Variants in ZC3H12B observed in about 807,000 individuals in gnomAD.
ZC3H12B encodes the protein zinc finger CCCH-type containing 12B, also known as probable ribonuclease ZC3H12B.
In ZC3H12B, 7 loss-of-function variants were observed where a neutral mutation model predicts 43.9. The ratio of observed to expected loss-of-function variants is 0.16; its 90% CI spans 0.09 to 0.30. The LOEUF (loss-of-function observed/expected upper bound fraction) is 0.30. Among genes scored for constraint, ZC3H12B ranks in the 10% least tolerant of loss-of-function variants. The pLI is 1.00. For synonymous variants in ZC3H12B, 222 were observed against 241.7 expected (o/e 0.92, Z 0.76); for missense variants, 475 against 670.2 (o/e 0.71, Z 3.22).
the ZC3H12B span, among the ~76,000 whole-genome samples, chrX:65,163,246 T>C: frequency 8.1e-5 from 9 of 111,252 alleles, no homozygotes; most frequent in African/African-American, 2.6e-4. Context: ...GAGGCAGTCT[T>C]CCCATTCTCA....
chrX:65,449,406 G>A (rs980083178), intron 3 of ZC3H12B, among the ~76,000 whole-genome samples: 2 of 111,308 alleles, frequency 1.8e-5, no homozygotes, highest in Admixed American at 9.5e-5. Context: ...ATCACCTGAG[G>A]TCAGGGATTC....
At chrX:65,384,472 C>A (rs1305828132) in intron 2 of ZC3H12B, among the ~76,000 whole-genome samples, 4 of 110,623 alleles carry the variant, frequency 3.6e-5, no homozygotes, top group Non-Finnish European at 7.6e-5. Context: ...TGTAACTAAT[C>A]TGCATATTGT....
the ZC3H12B span, among the ~76,000 whole-genome samples, chrX:65,114,798 G>C: frequency 2.8e-5 from 3 of 108,197 alleles, no homozygotes; most frequent in African/African-American, 1.0e-4. Flanking sequence ...ATTATGTTCT[G>C]TTTCTAGGTT....
chrX:65,179,359 A>C, the ZC3H12B span, among the ~76,000 whole-genome samples: 19 of 109,872 alleles, frequency 1.7e-4, no homozygotes, highest in Admixed American at 1.8e-3. Flanking sequence ...ATACCTATGT[A>C]ACAAACCTGC....
chrX:65,121,406 C>A, the ZC3H12B span, among the ~76,000 whole-genome samples: 1 of 111,415 alleles, frequency 9.0e-6, no homozygotes, highest in African/African-American at 3.3e-5. Context: ...GGAATTTATC[C>A]ATTTCTTCTC....
At chrX:65,134,227 T>C in the ZC3H12B span, among the ~76,000 whole-genome samples, 3 of 110,393 alleles carry the variant, frequency 2.7e-5, no homozygotes, top group South Asian at 1.2e-3. Context: ...GGCTGCAATG[T>C]GTGTGAGCAG....
the ZC3H12B span, among the ~76,000 whole-genome samples, chrX:65,224,486 C>G: frequency 2.7e-5 from 3 of 112,485 alleles, no homozygotes; most frequent in Non-Finnish European, 5.6e-5. Flanking sequence ...TCTGAAGTAC[C>G]GGGTTCATCT....
the ZC3H12B span, among the ~76,000 whole-genome samples, chrX:65,091,206 G>A: frequency 3.6e-5 from 4 of 112,160 alleles, no homozygotes; most frequent in African/African-American, 1.3e-4. Flanking sequence ...GATCAAAGAC[G>A]AAGGCAATGT....
chrX:65,128,035 G>T, the ZC3H12B span, among the ~76,000 whole-genome samples: 2 of 111,762 alleles, frequency 1.8e-5, no homozygotes, highest in East Asian at 2.8e-4. Flanking sequence ...CCTTCAAAGG[G>T]TCTGTGGTTT....
the ZC3H12B span, among the ~76,000 whole-genome samples, chrX:65,128,152 G>T: frequency 8.9e-6 from 1 of 112,305 alleles, no homozygotes; most frequent in Non-Finnish European, 1.9e-5. Flanking sequence ...AGCTAGTTCT[G>T]CCACCTATCT....
At chrX:65,203,245 G>C in the ZC3H12B span, among the ~76,000 whole-genome samples, 1 of 112,082 alleles carries the variant, frequency 8.9e-6, no homozygotes, top group Non-Finnish European at 1.9e-5. Context: ...TGGTACCTAA[G>C]GCGTGAGACA....
chrX:65,214,954 A>G, the ZC3H12B span, among the ~76,000 whole-genome samples: 1 of 111,875 alleles, frequency 8.9e-6, no homozygotes, highest in South Asian at 3.7e-4. Flanking sequence ...TAACCTCCTC[A>G]TAGCTGTCCA....
In ZC3H12B at chrX:65,385,271, C is replaced by T. The variant is rs1174427625; in HGVS notation, n.296-13322C>T. ...GCCATTTTCACGATTTTGATTCTTT[C>T]TATCCATGAGCATGGAATGTTCTTC... On this transcript the variant is annotated intron_variant and non_coding_transcript_variant, in intron 2 of 5. Coordinates refer to the ZC3H12B transcript ENST00000617377. Among the ~76,000 whole-genome samples the T allele has an allele frequency of 2.7e-5, 3 of 112,168 alleles. No homozygotes were observed. The East Asian group carries it at 8.3e-4, about 31-fold the overall frequency.
chrX:65,247,705 A>C, the ZC3H12B span, among the ~76,000 whole-genome samples: 2 of 111,877 alleles, frequency 1.8e-5, no homozygotes, highest in Non-Finnish European at 3.8e-5. Flanking sequence ...CATGGTTGGG[A>C]ACAACACACA....
chrX:65,389,719 G>A (rs758346319), intron 2 of ZC3H12B, among the ~76,000 whole-genome samples: 121 of 112,338 alleles, frequency 1.1e-3, no homozygotes, highest in African/African-American at 3.2e-3. Context: ...CGTCTTCTGC[G>A]TCGCTCATGC....
the ZC3H12B span, among the ~76,000 whole-genome samples, chrX:65,230,978 T>C: frequency 8.9e-6 from 1 of 112,133 alleles, no homozygotes; most frequent in African/African-American, 3.2e-5. Flanking sequence ...ACTTTAACAA[T>C]TTGTTAAAAG....
At chrX:65,443,721 T>C (rs911718840) in intron 3 of ZC3H12B, among the ~76,000 whole-genome samples, 1 of 112,431 alleles carries the variant, frequency 8.9e-6, no homozygotes, top group Admixed American at 9.4e-5. Context: ...CCCTCATTCC[T>C]GTAAACCCAC....
At chrX:65,378,142 A>G (rs2066374719) in intron 2 of ZC3H12B, among the ~76,000 whole-genome samples, 2 of 111,427 alleles carry the variant, frequency 1.8e-5, no homozygotes, top group African/African-American at 6.5e-5. Context: ...CTCACTGATA[A>G]TAATAAGCAC....
chrX:65,062,290 T>G, the ZC3H12B span, among the ~76,000 whole-genome samples: 1 of 112,616 alleles, frequency 8.9e-6, no homozygotes, highest in East Asian at 2.8e-4. Flanking sequence ...TTTATGGTTT[T>G]AGGTCTTACG....
Sources: gnomAD v4.1 joint callset for allele counts (sites outside exome capture counted in the v4.1 genomes callset) on GRCh38, gnomAD v4.1.1 for gene constraint, MANE v1.5 for transcripts, NCBI Gene and HGNC (gene_info 2026-07-23, HGNC 2026-07-21) for gene names.